NCS1: variants seen among roughly 807,000 people sequenced by gnomAD.
NCS1 encodes neuronal calcium sensor 1.
Under a neutral mutation model 28.4 loss-of-function variants are expected in NCS1, and 6 were observed. That is an observed-to-expected ratio of 0.21 (90% CI 0.12 to 0.42). The LOEUF is 0.42. Among genes scored for constraint, NCS1 ranks in the 10% least tolerant of loss-of-function variants. The pLI, the probability that NCS1 is intolerant of heterozygous loss-of-function variation, is 1.00. For missense variants in NCS1, 131 were observed against 241.4 expected (o/e 0.54, Z 3.03); for synonymous variants, 86 against 99.3 (o/e 0.87, Z 0.79).
At position 130,172,534 on chromosome 9, in the gene NCS1, C is replaced by T; in HGVS notation, c.-130C>T. 6.7e-6 allele frequency: 2 copies of T among 296,302 alleles called. No individual in the cohort carries two copies. Among genetic ancestry groups the T allele is most frequent in the Non-Finnish European group, 9.9e-6 (2 of 202,862 alleles). 18.4% of individuals were successfully genotyped at this position (296,302 alleles called of 1,614,324 possible). The stretch of plus-strand genomic sequence containing the variant: ...CACGCCCCGGGCGCCCCGGCGCCGA[C>T]AGCCGCGCAGCGCAGCGCGGGCGCC... On this transcript the variant is annotated 5_prime_UTR_variant, in exon 1 of 8. Transcript: ENST00000372398.
In NCS1 at chr9:130,226,476, G is replaced by A. The variant is rs759002303; in HGVS notation, c.562G>A (p.Gly188Arg). 8 of 1,613,488 alleles carry A rather than the reference G, an allele frequency of 5.0e-6. No individual in the cohort carries two copies. The highest frequency in any genetic ancestry group is 1.3e-5 in the African/African-American group (1 of 75,018). ...TGTGCAGGCGCTGTCCCTCTACGACGGGCTGGTATAGTCCCAGGCTGGAGC... is the reference window on the plus strand; with the variant it reads ...TGTGCAGGCGCTGTCCCTCTACGACAGGCTGGTATAGTCCCAGGCTGGAGC... ...SIVQALSLYD[G>R]LV Residue 188 changes from glycine (G) to arginine (R), a missense_variant, in exon 7 of 8, where the codon GGG (glycine) becomes AGG (arginine). Around this residue, in one of 2 missense-constraint regions of NCS1, gnomAD observed 100 missense variants for 210.3 expected, o/e 0.48. Transcript: ENST00000372398. The surrounding 1 kb of genome is among the most constrained non-coding windows in gnomAD (Gnocchi z 4.8).
intron 4 of NCS1, among the ~76,000 whole-genome samples, chr9:130,220,872 G>A (rs1158245185): frequency 2.0e-5 from 3 of 151,618 alleles, no homozygotes; most frequent in Admixed American, 1.3e-4. Context: ...TGTGGGAGCA[G>A]AGTGGACTGT....
At chr9:130,189,247 C>T (rs538185302) in intron 1 of NCS1, among the ~76,000 whole-genome samples, 9 of 152,224 alleles carry the variant, frequency 5.9e-5, no homozygotes, top group South Asian at 2.1e-4. Context: ...CTGCAAGAAA[C>T]GTATTGTGAC....
intron 6 of NCS1, 134 bp downstream of exon 6, chr9:130,223,293 T>C (rs910960799): frequency 8.1e-6 from 6 of 742,464 alleles, no homozygotes; most frequent in African/African-American, 5.2e-5. Context: ...CACGGTGTCC[T>C]ATCCCTGCTC....
chr9:130,216,603 C>T (rs1034089920), intron 2 of NCS1, among the ~76,000 whole-genome samples: 1 of 151,904 alleles, frequency 6.6e-6, no homozygotes, highest in Non-Finnish European at 1.5e-5. Flanking sequence ...GTAATCCCAG[C>T]TACTCGGGAG....
At position 130,219,467 on chromosome 9, in the gene NCS1, C is replaced by T. The variant is rs113287174; in HGVS notation, c.229-258C>T. 7.8e-4 allele frequency among the ~76,000 whole-genome samples: 119 copies of T among 152,244 alleles called. No individual in the cohort carries two copies. In the East Asian group the frequency reaches 0.021, roughly 26 times the overall value. ...CCATCAAGAGTGGAGTAAGCCTCTC[C>T]GTTCAGCCTCAGTCCTTCTTCCTGT... On this transcript the variant is annotated intron_variant, in intron 3 of 7. Transcript: ENST00000372398. This position sits in a 1 kb window ranked among gnomAD's most constrained non-coding sequence, Gnocchi z 5.7.
In NCS1 at chr9:130,191,333, T is replaced by C. The variant is rs1832813869; in HGVS notation, c.65-9625T>C. On this transcript the variant is annotated intron_variant, in intron 1 of 7. Coordinates refer to ENST00000372398, the MANE Select transcript of NCS1 (RefSeq NM_014286.4). This position sits in a 1 kb window ranked among gnomAD's most constrained non-coding sequence, Gnocchi z 6.4. ...CCGGGAGCTGGGGCTGAAGGTTACC[T>C]GGCCTGGCCCGAGTCTGCCCTCCGG... Among the ~76,000 whole-genome samples the C allele has an allele frequency of 6.6e-6, 1 of 152,064 alleles. No homozygotes were observed. Among genetic ancestry groups the C allele is most frequent in the African/African-American group, 2.4e-5 (1 of 41,422 alleles).
At chr9:130,184,846 G>T (rs1832718688) in intron 1 of NCS1, among the ~76,000 whole-genome samples, 1 of 151,668 alleles carries the variant, frequency 6.6e-6, no homozygotes. Context: ...GTTGGCCAGG[G>T]TGGTCTTGAT....
chr9:130,181,442 G>A lies in NCS1; in HGVS notation c.64+8715G>A, dbSNP rs554978765. Among the ~76,000 whole-genome samples the A allele has an allele frequency of 5.3e-5, 8 of 152,270 alleles. No homozygotes were observed. The highest frequency in any genetic ancestry group is 2.1e-4 in the South Asian group (1 of 4,820). ...GAGAATCTGGTATTAGGCATGTTCCGTGTGACCCAGGCCTGTCCTTGGTGT... is the reference window on the plus strand; with the variant it reads ...GAGAATCTGGTATTAGGCATGTTCCATGTGACCCAGGCCTGTCCTTGGTGT... On this transcript the variant is annotated intron_variant, in intron 1 of 7. Coordinates refer to ENST00000372398, the MANE Select transcript of NCS1 (RefSeq NM_014286.4). This position sits in a 1 kb window ranked among gnomAD's most constrained non-coding sequence, Gnocchi z 5.0.
rs1330738331 is a variant in NCS1, at chr9:130,186,281, G to A, written c.64+13554G>A. On this transcript the variant is annotated intron_variant, in intron 1 of 7. Coordinates refer to ENST00000372398, the MANE Select transcript of NCS1 (RefSeq NM_014286.4). This position sits in a 1 kb window ranked among gnomAD's most constrained non-coding sequence, Gnocchi z 4.1. ...AGGCAGATGTCAGGCTGGGATAAGC[G>A]TCAAGACAGGGCTTTGCACAATGGA... Among the ~76,000 whole-genome samples, 1 of 152,190 alleles carries A rather than the reference G, an allele frequency of 6.6e-6. No homozygotes were observed. Among genetic ancestry groups the A allele is most frequent in the African/African-American group, 2.4e-5 (1 of 41,436 alleles).
intron 1 of NCS1, among the ~76,000 whole-genome samples, chr9:130,182,601 T>C (rs1469099449): frequency 6.6e-6 from 1 of 152,212 alleles, no homozygotes; most frequent in Non-Finnish European, 1.5e-5. Context: ...TAGGAGTGTG[T>C]GGCGCAGCTG....
At chr9:130,224,768 CT>C in intron 6 of NCS1, among the ~76,000 whole-genome samples, 1 of 151,746 alleles carries the variant, frequency 6.6e-6, no homozygotes, top group East Asian at 2.0e-4. Context: ...AAATAAAAGC[CT>C]AAAAAAAGGG....
intron 1 of NCS1, among the ~76,000 whole-genome samples, chr9:130,198,130 C>G (rs1211311434): frequency 6.6e-6 from 1 of 152,216 alleles, no homozygotes; most frequent in African/African-American, 2.4e-5. Context: ...CACCCTAGCT[C>G]CGGTTCCCTG....
At chr9:130,195,075 G>A (rs925728017) in intron 1 of NCS1, among the ~76,000 whole-genome samples, 6 of 152,172 alleles carry the variant, frequency 3.9e-5, no homozygotes, top group Admixed American at 6.5e-5. Context: ...CTTCTGTCTC[G>A]CACTTGCTGG....
chr9:130,196,709 G>A (rs1205086832), intron 1 of NCS1, among the ~76,000 whole-genome samples: 1 of 152,036 alleles, frequency 6.6e-6, no homozygotes, highest in South Asian at 2.1e-4. Flanking sequence ...TTGCACTCTA[G>A]CCCCAGCCTG....
chr9:130,197,154 G>C lies in NCS1; in HGVS notation c.65-3804G>C, dbSNP rs569673285. The stretch of plus-strand genomic sequence containing the variant: ...CAAATTAAGGGGTACATGATATTGG[G>C]CTATTTCACGATCGAAGGCAGGGCA... On this transcript the variant is annotated intron_variant, in intron 1 of 7. Coordinates refer to ENST00000372398, the MANE Select transcript of NCS1 (RefSeq NM_014286.4). Among the ~76,000 whole-genome samples the C allele has an allele frequency of 1.4e-4, 21 of 152,308 alleles. 1 individual carries two copies. The South Asian group carries it at 3.3e-3, about 24-fold the overall frequency.
At chr9:130,208,603 A>C (rs1833063569) in intron 2 of NCS1, among the ~76,000 whole-genome samples, 1 of 152,192 alleles carries the variant, frequency 6.6e-6, no homozygotes, top group African/African-American at 2.4e-5. Context: ...CTTTTATAAT[A>C]ACCAAATATC....
At chr9:130,198,163 C>T (rs1832899500) in intron 1 of NCS1, among the ~76,000 whole-genome samples, 1 of 152,328 alleles carries the variant, frequency 6.6e-6, no homozygotes, top group East Asian at 1.9e-4. Flanking sequence ...CTGCTGATCA[C>T]CCAGGGTTCT....
In NCS1 at chr9:130,217,818, T is replaced by C; in HGVS notation, c.90-14T>C. ...GTCTCCTTTACCCTCTCTGGCCCGG[T>C]CTGCTGCCTCCAGGTACAAAGGCTT... On this transcript the variant is annotated splice_polypyrimidine_tract_variant and intron_variant, in intron 2 of 7. Coordinates refer to ENST00000372398, the MANE Select transcript of NCS1 (RefSeq NM_014286.4). 1 of 1,614,158 alleles carries C rather than the reference T, an allele frequency of 6.2e-7. No homozygotes were observed. Among genetic ancestry groups the C allele is most frequent in the African/African-American group, 1.3e-5 (1 of 75,030 alleles).
Sources: gnomAD v4.1 joint callset for allele counts (sites outside exome capture counted in the v4.1 genomes callset) on GRCh38, gnomAD v4.1.1 for gene constraint, gnomAD v4.1.1 regional missense constraint, Gnocchi (gnomAD v3.1) non-coding constraint, MANE v1.5 for transcripts, NCBI Gene and HGNC (gene_info 2026-07-23, HGNC 2026-07-21) for gene names.